SCEL: variants seen among roughly 807,000 people sequenced by gnomAD.
SCEL encodes the protein sciellin.
A neutral mutation model predicts 117.6 loss-of-function variants in SCEL; 113 were observed. The observed-to-expected ratio is 0.96, with a 90% CI of 0.83 to 1.12. SCEL has a LOEUF of 1.12. Among genes scored for constraint, SCEL ranks in the 50% most tolerant of loss-of-function variants. The pLI is 0.00. For missense variants in SCEL, 785 were observed against 810.8 expected, an observed-to-expected ratio of 0.97 and a Z score of 0.39; for synonymous variants, 270 against 256.2, an observed-to-expected ratio of 1.05 and a Z score of -0.51.
intron 1 of SCEL, among the ~76,000 whole-genome samples, chr13:77,539,834 G>A (rs2083607196): frequency 6.6e-6 from 1 of 152,118 alleles, no homozygotes; most frequent in Middle Eastern, 3.2e-3. Context: ...GCGCCTGGCT[G>A]AAACTTAGAC....
chr13:77,632,423 G>A (rs1217942896), intron 28 of SCEL, among the ~76,000 whole-genome samples: 2 of 152,024 alleles, frequency 1.3e-5, no homozygotes, highest in Non-Finnish European at 2.9e-5. Flanking sequence ...GTTATTCTTG[G>A]GATGACATAT....
intron 22 of SCEL, among the ~76,000 whole-genome samples, chr13:77,610,391 G>A (rs544708542): frequency 1.3e-5 from 2 of 149,644 alleles, no homozygotes; most frequent in East Asian, 3.9e-4. Context: ...GGTGGAGGTT[G>A]CAGTGAGCCG....
chr13:77,560,717 A>G (rs2084932847), intron 4 of SCEL, among the ~76,000 whole-genome samples: 1 of 152,214 alleles, frequency 6.6e-6, no homozygotes, highest in Non-Finnish European at 1.5e-5. Flanking sequence ...TCTTACCACA[A>G]CACAGTTGTA....
At chr13:77,600,221 C>T (rs1039376809) in intron 15 of SCEL, among the ~76,000 whole-genome samples, 62 of 152,166 alleles carry the variant, frequency 4.1e-4, no homozygotes, top group African/African-American at 1.4e-3. Context: ...CACCGCCTCC[C>T]GGGTTCAAGT....
intron 30 of SCEL, among the ~76,000 whole-genome samples, chr13:77,638,441 A>G (rs1003390277): frequency 1.3e-5 from 2 of 152,258 alleles, no homozygotes; most frequent in South Asian, 2.1e-4. Context: ...TATGATCTTA[A>G]TAAAGATAGT....
chr13:77,602,324 G>A, intron 16 of SCEL, 200 bp downstream of exon 16: 1 of 512,256 alleles, frequency 2.0e-6, no homozygotes, highest in Non-Finnish European at 3.4e-6. Context: ...AGTAGGTGCA[G>A]GAAAACCTGC....
intron 22 of SCEL, 145 bp from the exon 23 acceptor site, chr13:77,612,746 G>T (rs990754623): frequency 8.1e-6 from 4 of 492,010 alleles, no homozygotes; most frequent in Non-Finnish European, 1.5e-5. Context: ...ATTGATAGTA[G>T]CCACCTGTTT....
At chr13:77,574,577 G>A (rs8001687) in intron 9 of SCEL, among the ~76,000 whole-genome samples, 4,301 of 152,196 alleles carry the variant, frequency 0.028, 173 homozygotes, top group African/African-American at 0.097. Flanking sequence ...GATTTTCTTT[G>A]GAAGAGCTCA....
chr13:77,637,727 C>T (rs989244105), intron 30 of SCEL, among the ~76,000 whole-genome samples: 1 of 152,148 alleles, frequency 6.6e-6, no homozygotes, highest in African/African-American at 2.4e-5. Context: ...ATCAATCCCC[C>T]CTTCTTGTGC....
At chr13:77,602,423 C>G in intron 16 of SCEL, 1 of 484,304 alleles carries the variant, frequency 2.1e-6, no homozygotes, top group East Asian at 3.2e-5. Context: ...GACAAAATTG[C>G]ACAGCGAGAG....
Position 77,593,687 on chromosome 13 carries a change from A to G in SCEL, c.752+114A>G, listed in dbSNP as rs2087052652. On this transcript the variant is annotated intron_variant, in intron 12 of 32. Coordinates refer to ENST00000349847, the MANE Select transcript of SCEL (RefSeq NM_144777.3). ...ACAAAATCCTAGTGCTGTATATCGTATATAATTTAAAATAAGAAAGCATCA... is the reference window on the plus strand; with the variant it reads ...ACAAAATCCTAGTGCTGTATATCGTGTATAATTTAAAATAAGAAAGCATCA... 15 of 661,206 alleles carry G rather than the reference A, an allele frequency of 2.3e-5. No individual in the cohort carries two copies. The South Asian group carries it at 2.8e-4, about 12-fold the overall frequency. The allele number at this position is 661,206 out of a possible 1,614,324, so 41.0% of individuals were successfully genotyped here. A position where few individuals can be genotyped will look rare whatever the true frequency, so the allele number is the denominator to read the frequency against.
intron 9 of SCEL, 95 bp from the exon 10 acceptor site, chr13:77,589,049 A>G (rs971400743): frequency 1.0e-5 from 9 of 882,980 alleles, no homozygotes; most frequent in Non-Finnish European, 7.3e-6. Flanking sequence ...GATGCAAAGG[A>G]TATTTTTATG....
intron 30 of SCEL, among the ~76,000 whole-genome samples, 176 bp downstream of exon 30, chr13:77,637,370 A>G (rs2090346977): frequency 6.9e-6 from 1 of 144,294 alleles, no homozygotes; most frequent in African/African-American, 2.5e-5. Flanking sequence ...ATATACATAT[A>G]TAAACATATA....
rs147545899 is a variant in SCEL, at chr13:77,572,141, C to T, written c.497C>T (p.Pro166Leu). The T allele has an allele frequency of 1.0e-4, 169 of 1,612,534 alleles. No individual in the cohort carries two copies. The highest frequency in any genetic ancestry group is 1.9e-4 in the African/African-American group (14 of 74,914). The change falls in exon 9 of 33, where the codon CCG becomes CTG. Residue 166 changes from proline (P) to leucine (L), a missense_variant. Coordinates refer to ENST00000349847, the MANE Select transcript of SCEL (RefSeq NM_144777.3). Reference sequence around the variant, plus strand: ...CTTAACAGGCAGTCCTGGTTTCCACCGCCCCCTCCAGGTTACAATGCCTCC... The same window carrying T: ...CTTAACAGGCAGTCCTGGTTTCCACTGCCCCCTCCAGGTTACAATGCCTCC... ...VKKKRQSWFP[P>L]PPPGYNASSS...
intron 27 of SCEL, among the ~76,000 whole-genome samples, chr13:77,624,303 A>G (rs1011236831): frequency 1.3e-5 from 2 of 151,798 alleles, no homozygotes; most frequent in Admixed American, 6.6e-5. Context: ...ACGGGGTTTC[A>G]CCATGTTGGT....
intron 28 of SCEL, among the ~76,000 whole-genome samples, chr13:77,629,276 G>A (rs970461205): frequency 3.9e-5 from 6 of 152,076 alleles, no homozygotes; most frequent in Non-Finnish European, 8.8e-5. Flanking sequence ...GTTACTAGTG[G>A]AACTCAGCTA....
chr13:77,553,396 T>G (rs2084458981), intron 1 of SCEL, among the ~76,000 whole-genome samples: 2 of 151,980 alleles, frequency 1.3e-5, no homozygotes, highest in South Asian at 4.2e-4. Flanking sequence ...AGAATTCCAG[T>G]GCAATCAGCT....
In SCEL at chr13:77,610,111, G is replaced by T. The variant is rs1445815886; in HGVS notation, c.1337+5G>T. On this transcript the variant is annotated splice_donor_5th_base_variant and intron_variant, in intron 22 of 32. Transcript: ENST00000349847. ...AAGAAACAGAACTAACCAAGGGTAA[G>T]GTTTATGGAACTCTCTATTTCTCCC... is the stretch of plus-strand genomic sequence containing the variant. 2 of 1,600,278 alleles carry T rather than the reference G, an allele frequency of 1.2e-6. No individual in the cohort carries two copies. Among genetic ancestry groups the T allele is most frequent in the African/African-American group, 2.7e-5 (2 of 74,260 alleles).
At chr13:77,569,529 G>T in intron 8 of SCEL, 78 bp downstream of exon 8, 1 of 1,097,820 alleles carries the variant, frequency 9.1e-7, no homozygotes, top group Non-Finnish European at 1.4e-6. Context: ...CCTCTTTTTT[G>T]TGGGGATCCA....
Sources: gnomAD v4.1 joint callset for allele counts (sites outside exome capture counted in the v4.1 genomes callset) on GRCh38, gnomAD v4.1.1 for gene constraint, MANE v1.5 for transcripts, NCBI Gene and HGNC (gene_info 2026-07-23, HGNC 2026-07-21) for gene names.